TPX2: variants seen among roughly 807,000 people sequenced by gnomAD.
TPX2 encodes targeting protein for Xklp2.
Under a neutral mutation model 93.6 loss-of-function variants are expected in TPX2, and 21 were observed. The ratio of observed to expected loss-of-function variants is 0.22; its 90% CI spans 0.16 to 0.32. The LOEUF (loss-of-function observed/expected upper bound fraction) is 0.32. Among genes scored for constraint, TPX2 ranks in the 10% least tolerant of loss-of-function variants. The probability of loss-of-function intolerance (pLI) is 1.00; values close to 1 mark genes in which losing one functional copy is unlikely to be tolerated. For synonymous variants in TPX2, 281 were observed against 298.3 expected (o/e 0.94, Z 0.60); for missense variants, 776 against 871.1 (o/e 0.89, Z 1.37).
chr20:31,778,537 T>C (rs2062015711), intron 9 of TPX2, among the ~76,000 whole-genome samples: 1 of 152,230 alleles, frequency 6.6e-6, no homozygotes, highest in African/African-American at 2.4e-5. Context: ...TTACTCTGGA[T>C]TCCTTCAAAA....
At chr20:31,761,498 T>G (rs979033041) in intron 4 of TPX2, among the ~76,000 whole-genome samples, 1 of 152,088 alleles carries the variant, frequency 6.6e-6, no homozygotes, top group African/African-American at 2.4e-5. Flanking sequence ...CTGCACCCGG[T>G]CAATATTTAT....
At position 31,773,870 on chromosome 20, in the gene TPX2, A is replaced by AT. The variant is rs530579680; in HGVS notation, c.609-1982dup. 3.8e-3 allele frequency among the ~76,000 whole-genome samples: 546 copies of AT among 142,180 alleles called. 4 individuals carry two copies. The highest frequency in any genetic ancestry group is 0.033 in the South Asian group (146 of 4,464). The allele number at this position is 142,180 out of a possible 152,430, so 93.3% of individuals were successfully genotyped here. On this transcript the variant is annotated intron_variant, in intron 7 of 17. Coordinates refer to ENST00000300403, the MANE Select transcript of TPX2 (RefSeq NM_012112.5). ...CACTTTTTGTAGTGAGAACATTTGG[A>AT]TTTTTTTTTTTTTTTATCGAGATGG...
intron 2 of TPX2, among the ~76,000 whole-genome samples, chr20:31,747,851 C>T (rs780189263): frequency 4.0e-5 from 6 of 151,348 alleles, no homozygotes; most frequent in Non-Finnish European, 5.9e-5. Flanking sequence ...ATCCAGTTCC[C>T]ACCATGCCTG....
intron 8 of TPX2, 117 bp downstream of exon 8, chr20:31,776,105 G>C (rs1174410504): frequency 3.2e-6 from 3 of 951,866 alleles, no homozygotes; most frequent in Admixed American, 6.8e-5. Flanking sequence ...ACGGAGTCTC[G>C]CTCTGTCGCC....
chr20:31,743,551 C>G (rs2061765455), intron 2 of TPX2, among the ~76,000 whole-genome samples: 1 of 151,846 alleles, frequency 6.6e-6, no homozygotes, highest in South Asian at 2.1e-4. Flanking sequence ...AAAAATTTAA[C>G]CGGGCGTGGT....
In TPX2 at chr20:31,742,662, A is replaced by G. The variant is rs1344043826; in HGVS notation, c.-71+15A>G. On this transcript the variant is annotated intron_variant, in intron 2 of 17. Transcript: ENST00000300403. Reference sequence around the variant, plus strand: ...TTAAACCACAGGTAAGGCAGTGACCATAGGAATAAGGAACATTAATATATC... The same window carrying G: ...TTAAACCACAGGTAAGGCAGTGACCGTAGGAATAAGGAACATTAATATATC... The G allele has an allele frequency of 6.6e-6, 1 of 152,228 alleles. No individual in the cohort carries two copies. The highest frequency in any genetic ancestry group is 2.4e-5 in the African/African-American group (1 of 41,468). 9.4% of individuals were successfully genotyped at this position (152,228 alleles called of 1,614,324 possible). A position where few individuals can be genotyped will look rare whatever the true frequency, so the allele number is the denominator to read the frequency against.
intron 12 of TPX2, among the ~76,000 whole-genome samples, chr20:31,792,244 A>G (rs527516134): frequency 8.5e-5 from 13 of 152,184 alleles, no homozygotes; most frequent in African/African-American, 3.1e-4. Context: ...TTGTAGTCCC[A>G]GCTACTCAGG....
intron 4 of TPX2, among the ~76,000 whole-genome samples, chr20:31,764,039 A>T (rs1009494863): frequency 2.0e-5 from 3 of 151,778 alleles, no homozygotes; most frequent in Non-Finnish European, 4.4e-5. Context: ...AATTATATAC[A>T]TATATATACA....
At chr20:31,748,898 T>TA (rs2122955859) in intron 2 of TPX2, among the ~76,000 whole-genome samples, 1 of 152,304 alleles carries the variant, frequency 6.6e-6, no homozygotes, top group South Asian at 2.1e-4. Flanking sequence ...ATTTGGAAGT[T>TA]ATTATCTCTT....
chr20:31,768,683 T>G (rs1229471760), intron 5 of TPX2, among the ~76,000 whole-genome samples: 1 of 152,188 alleles, frequency 6.6e-6, no homozygotes, highest in Non-Finnish European at 1.5e-5. Flanking sequence ...GAGAAACTAT[T>G]TGTAACCCAT....
chr20:31,792,654 G>T, intron 12 of TPX2, 81 bp from the exon 13 acceptor site: 1 of 1,347,936 alleles, frequency 7.4e-7, no homozygotes, highest in South Asian at 1.2e-5. Context: ...CTACCCAAAG[G>T]GGAAAAAAGG....
At chr20:31,772,644 T>C (rs1381295272) in intron 7 of TPX2, among the ~76,000 whole-genome samples, 2 of 152,260 alleles carry the variant, frequency 1.3e-5, no homozygotes, top group Non-Finnish European at 2.9e-5. Context: ...ATACAAAACC[T>C]TGGGTTCTGC....
intron 4 of TPX2, 119 bp downstream of exon 4, chr20:31,760,298 G>A (rs1296626964): frequency 7.7e-7 from 1 of 1,299,062 alleles, no homozygotes; most frequent in African/African-American, 1.5e-5. Context: ...TTGGTGAAAT[G>A]GGCTAATTCA....
intron 2 of TPX2, among the ~76,000 whole-genome samples, chr20:31,755,106 G>A (rs990483502): frequency 6.6e-6 from 1 of 152,026 alleles, no homozygotes; most frequent in Non-Finnish European, 1.5e-5. Context: ...CCACCACTGC[G>A]CCTGGCTAAT....
chr20:31,765,102 A>G (rs2061916169), intron 4 of TPX2, among the ~76,000 whole-genome samples: 1 of 151,632 alleles, frequency 6.6e-6, no homozygotes, highest in African/African-American at 2.4e-5. Flanking sequence ...CTACAGGCAC[A>G]TTCCACCATG....
chr20:31,766,454 G>GGT (rs35700111), intron 4 of TPX2, 102 bp from the exon 5 acceptor site: 73,592 of 716,740 alleles, frequency 0.1, 2,622 homozygotes, highest in African/African-American at 0.27. Flanking sequence ...GCTTAGACAG[G>GGT]GTGTGTGTGT....
chr20:31,758,906 AAAG>A (rs1285649286), intron 3 of TPX2, among the ~76,000 whole-genome samples: 2 of 152,232 alleles, frequency 1.3e-5, no homozygotes, highest in African/African-American at 4.8e-5. Flanking sequence ...ATAAAAAAGA[AAAG>A]AAAAGATTAG....
chr20:31,792,365 A>G, intron 12 of TPX2, among the ~76,000 whole-genome samples: 1 of 152,242 alleles, frequency 6.6e-6, no homozygotes, highest in Non-Finnish European at 1.5e-5. Flanking sequence ...TCTCAAAACA[A>G]ACAAACAAAT....
chr20:31,793,050 T>C (rs1298534256), intron 13 of TPX2, among the ~76,000 whole-genome samples: 4 of 152,208 alleles, frequency 2.6e-5, no homozygotes, highest in African/African-American at 4.8e-5. Context: ...CTAGTTACAA[T>C]TTATGGAAAC....
Sources: gnomAD v4.1 joint callset for allele counts (sites outside exome capture counted in the v4.1 genomes callset) on GRCh38, gnomAD v4.1.1 for gene constraint, MANE v1.5 for transcripts, NCBI Gene and HGNC (gene_info 2026-07-23, HGNC 2026-07-21) for gene names.